Variants in PLCZ1 observed in about 807,000 individuals in gnomAD.
PLCZ1 encodes phospholipase C zeta 1.
In PLCZ1, 64 loss-of-function variants were observed where a neutral mutation model predicts 76.8. The ratio of observed to expected loss-of-function variants is 0.83; its 90% CI spans 0.68 to 1.03. The LOEUF (loss-of-function observed/expected upper bound fraction) is 1.03. PLCZ1 is among the 50% of genes least tolerant of loss of function. PLCZ1 has a pLI of 0.00. For synonymous variants in PLCZ1, 248 were observed against 230.8 expected, an observed-to-expected ratio of 1.07 and a Z score of -0.68; for missense variants, 751 against 713.7, an observed-to-expected ratio of 1.05 and a Z score of -0.60.
chr12:18,711,699 G>A (rs1957371231), intron 6 of PLCZ1, among the ~76,000 whole-genome samples: 1 of 151,932 alleles, frequency 6.6e-6, no homozygotes, highest in South Asian at 2.1e-4. Context: ...CGTGGCGAGA[G>A]CAGGACTAGA....
chr12:18,733,805 T>G (rs1209833422), intron 3 of PLCZ1, among the ~76,000 whole-genome samples: 1 of 152,314 alleles, frequency 6.6e-6, no homozygotes, highest in Non-Finnish European at 1.5e-5. Context: ...GGCTCTCTAT[T>G]CTGTTCCATT....
At chr12:18,732,545 G>A (rs535460433) in intron 3 of PLCZ1, among the ~76,000 whole-genome samples, 1 of 152,222 alleles carries the variant, frequency 6.6e-6, no homozygotes, top group South Asian at 2.1e-4. Context: ...TTTATCACGG[G>A]TACTATGCTG....
At chr12:18,673,714 G>T in the PLCZ1 span, among the ~76,000 whole-genome samples, 2 of 152,126 alleles carry the variant, frequency 1.3e-5, no homozygotes, top group Non-Finnish European at 2.9e-5. Flanking sequence ...GGCTACAAAG[G>T]GTCTGCAGTC....
intron 10 of PLCZ1, among the ~76,000 whole-genome samples, chr12:18,697,992 G>A (rs1955320639): frequency 6.6e-6 from 1 of 151,704 alleles, no homozygotes; most frequent in South Asian, 2.1e-4. Context: ...ATTTTTGCAA[G>A]TATTTAATAT....
intron 3 of PLCZ1, among the ~76,000 whole-genome samples, chr12:18,727,813 G>GT (rs1958839470): frequency 6.6e-6 from 1 of 152,236 alleles, no homozygotes; most frequent in South Asian, 2.1e-4. Flanking sequence ...AATCTGTAGG[G>GT]TTTTTCCAAC....
At chr12:18,700,009 T>C in intron 9 of PLCZ1, 59 bp from the exon 10 acceptor site, 1 of 1,463,506 alleles carries the variant, frequency 6.8e-7, no homozygotes, top group Non-Finnish European at 9.4e-7. Context: ...AAAAAAATTT[T>C]TTCTAGTAAA....
chr12:18,661,065 A>G, the PLCZ1 span, among the ~76,000 whole-genome samples: 1 of 152,144 alleles, frequency 6.6e-6, no homozygotes, highest in Non-Finnish European at 1.5e-5. Context: ...CAGTTAGAAG[A>G]ATTGATGAAC....
At chr12:18,713,379 A>T (rs1176031737) in intron 5 of PLCZ1, among the ~76,000 whole-genome samples, 1 of 152,174 alleles carries the variant, frequency 6.6e-6, no homozygotes, top group African/African-American at 2.4e-5. Flanking sequence ...AAAAGTGATA[A>T]TGTTCAAAGC....
At chr12:18,710,352 G>T (rs764376454) in intron 6 of PLCZ1, among the ~76,000 whole-genome samples, 4 of 151,646 alleles carry the variant, frequency 2.6e-5, no homozygotes, top group Non-Finnish European at 5.9e-5. Context: ...AGGGGGAATA[G>T]CAAGTACAAA....
At chr12:18,679,227 G>GAT (rs1008698478), downstream of PLCZ1, among the ~76,000 whole-genome samples, 11 of 151,712 alleles carry the variant, frequency 7.3e-5, no homozygotes, top group Admixed American at 4.6e-4. Flanking sequence ...TAAGTCCTTT[G>GAT]ATATATATAT....
At chr12:18,661,086 A>G in the PLCZ1 span, among the ~76,000 whole-genome samples, 2 of 152,156 alleles carry the variant, frequency 1.3e-5, no homozygotes, top group African/African-American at 4.8e-5. Flanking sequence ...TTGAGGACAG[A>G]ACAATGGAAA....
At chr12:18,719,219 C>T (rs952908383) in intron 5 of PLCZ1, among the ~76,000 whole-genome samples, 3 of 152,094 alleles carry the variant, frequency 2.0e-5, no homozygotes, top group African/African-American at 7.2e-5. Flanking sequence ...AGAAGGAAAG[C>T]ATATGATACT....
intron 3 of PLCZ1, among the ~76,000 whole-genome samples, chr12:18,727,043 G>T (rs938399074): frequency 1.3e-5 from 2 of 152,090 alleles, no homozygotes; most frequent in Non-Finnish European, 2.9e-5. Flanking sequence ...AAGTATACAG[G>T]TGCCGAAATA....
At chr12:18,650,369 G>GTC in the PLCZ1 span, among the ~76,000 whole-genome samples, 1 of 133,814 alleles carries the variant, frequency 7.5e-6, no homozygotes, top group Admixed American at 7.3e-5. Context: ...GTGTGTGTGT[G>GTC]TGTGTGTCTG....
intron 3 of PLCZ1, among the ~76,000 whole-genome samples, chr12:18,729,963 C>T (rs1411279112): frequency 6.6e-6 from 1 of 152,112 alleles, no homozygotes; most frequent in Non-Finnish European, 1.5e-5. Context: ...GATGCAGCGT[C>T]TACATATATT....
the PLCZ1 span, among the ~76,000 whole-genome samples, chr12:18,677,193 G>C: frequency 6.6e-6 from 1 of 152,086 alleles, no homozygotes; most frequent in Non-Finnish European, 1.5e-5. Flanking sequence ...TGGTCAGGCT[G>C]CTTGCCACAA....
rs746479521 is a variant in PLCZ1, at chr12:18,696,217, G to A, written c.1224C>T (p.Pro408=). 3 of 1,599,534 alleles carry A rather than the reference G, an allele frequency of 1.9e-6. No individual in the cohort carries two copies. The highest frequency in any genetic ancestry group is 2.6e-6 in the Non-Finnish European group (3 of 1,170,836). ...HTRKFITRIY[P]KATRADSSNF... is the part of the protein sequence containing the mutation. ...TAGAAGAGTCTGCTCTTGTTGCTTT[G>A]GGATATATTCTGGTAATGAACTTCC... The change falls in exon 11 of 15, where the codon CCC becomes CCT. Residue 408 remains proline, a synonymous_variant. Coordinates refer to ENST00000266505, the MANE Select transcript of PLCZ1 (RefSeq NM_033123.4).
the PLCZ1 span, among the ~76,000 whole-genome samples, chr12:18,675,095 T>C: frequency 6.6e-6 from 1 of 152,200 alleles, no homozygotes; most frequent in East Asian, 1.9e-4. Flanking sequence ...ACTGGAAATG[T>C]GATTAATAAT....
At chr12:18,679,687 T>C (rs930426887), downstream of PLCZ1, among the ~76,000 whole-genome samples, 3 of 152,014 alleles carry the variant, frequency 2.0e-5, no homozygotes, top group Non-Finnish European at 4.4e-5. Flanking sequence ...CTGGCTAACG[T>C]TGCAGATATT....
Sources: gnomAD v4.1 joint callset for allele counts (sites outside exome capture counted in the v4.1 genomes callset) on GRCh38, gnomAD v4.1.1 for gene constraint, MANE v1.5 for transcripts, NCBI Gene and HGNC (gene_info 2026-07-23, HGNC 2026-07-21) for gene names.